RARB: variants seen among roughly 807,000 people sequenced by gnomAD.
RARB encodes retinoic acid receptor beta.
A neutral mutation model predicts 51.9 loss-of-function variants in RARB; 17 were observed. The observed-to-expected ratio is 0.33, with a 90% CI of 0.22 to 0.49. RARB has a LOEUF of 0.49. Among genes scored for constraint, RARB ranks in the 20% least tolerant of loss-of-function variants. RARB has a pLI of 0.99. For synonymous variants in RARB, 215 were observed against 195.4 expected (o/e 1.10, Z -0.84); for missense variants, 369 against 550.8 (o/e 0.67, Z 3.30).
chr3:25,451,099 G>GA (rs974049765), intron 1 of RARB, among the ~76,000 whole-genome samples: 5 of 151,252 alleles, frequency 3.3e-5, no homozygotes, highest in South Asian at 2.1e-4. Flanking sequence ...CTCCATCTCA[G>GA]AAAAAAAACA....
intron 4 of RARB, among the ~76,000 whole-genome samples, chr3:25,159,528 A>G (rs1700441567): frequency 6.6e-6 from 1 of 152,008 alleles, no homozygotes; most frequent in African/African-American, 2.4e-5. Context: ...TGAGCCACAT[A>G]CTATGACTGT....
intron 2 of RARB, among the ~76,000 whole-genome samples, chr3:24,884,344 C>T (rs2125359055): frequency 6.6e-6 from 1 of 152,066 alleles, no homozygotes; most frequent in East Asian, 1.9e-4. Context: ...CATTAGAGAA[C>T]CTACTTATTG....
chr3:25,227,932 T>G (rs1415431866), intron 5 of RARB, among the ~76,000 whole-genome samples: 1 of 152,134 alleles, frequency 6.6e-6, no homozygotes, highest in Admixed American at 6.6e-5. Context: ...ATATTAGTTT[T>G]GTTTTTCTTT....
chr3:25,058,382 A>G (rs1249497372), intron 2 of RARB, among the ~76,000 whole-genome samples: 2 of 151,828 alleles, frequency 1.3e-5, no homozygotes, highest in African/African-American at 4.8e-5. Flanking sequence ...GGTTAAAGGA[A>G]CTGACCAATC....
At chr3:24,962,980 C>T (rs1239529099) in intron 2 of RARB, among the ~76,000 whole-genome samples, 1 of 152,094 alleles carries the variant, frequency 6.6e-6, no homozygotes, top group African/African-American at 2.4e-5. Flanking sequence ...TAATTTAATC[C>T]CTTCAGCCTG....
At chr3:25,175,642 C>T (rs761424730) in intron 5 of RARB, among the ~76,000 whole-genome samples, 4 of 152,162 alleles carry the variant, frequency 2.6e-5, no homozygotes, top group Admixed American at 6.5e-5. Flanking sequence ...TTTGGATGGA[C>T]GAACAGACTG....
At chr3:25,411,556 G>T (rs535813130) in intron 5 of RARB, among the ~76,000 whole-genome samples, 1 of 152,200 alleles carries the variant, frequency 6.6e-6, no homozygotes, top group Non-Finnish European at 1.5e-5. Context: ...GTTCCTCACT[G>T]CACAGAACAG....
chr3:25,175,946 A>G (rs1380683648), intron 5 of RARB, among the ~76,000 whole-genome samples: 3 of 152,214 alleles, frequency 2.0e-5, no homozygotes, highest in African/African-American at 7.2e-5. Context: ...GTGCTGTTTC[A>G]AATCATGTTC....
At chr3:25,224,069 G>A (rs946760736) in intron 5 of RARB, among the ~76,000 whole-genome samples, 2 of 152,182 alleles carry the variant, frequency 1.3e-5, no homozygotes, top group African/African-American at 2.4e-5. Context: ...AACACTTGAA[G>A]ATGATTTAGT....
At chr3:25,107,501 C>G (rs1490108273) in intron 3 of RARB, among the ~76,000 whole-genome samples, 1 of 152,032 alleles carries the variant, frequency 6.6e-6, no homozygotes, top group African/African-American at 2.4e-5. Flanking sequence ...AAAATTCATG[C>G]ATATATTAAA....
intron 5 of RARB, among the ~76,000 whole-genome samples, chr3:25,351,192 A>G (rs952469927): frequency 3.9e-5 from 6 of 152,198 alleles, no homozygotes; most frequent in African/African-American, 1.4e-4. Flanking sequence ...GTAGTTTTTC[A>G]TTATATTCTG....
intron 3 of RARB, among the ~76,000 whole-genome samples, chr3:25,110,352 A>G (rs1334957942): frequency 6.6e-6 from 1 of 152,186 alleles, no homozygotes; most frequent in Non-Finnish European, 1.5e-5. Flanking sequence ...TTAAGCCTTG[A>G]TTTTGTCTCC....
chr3:25,398,739 C>T (rs1347660379), intron 5 of RARB, among the ~76,000 whole-genome samples: 1 of 152,074 alleles, frequency 6.6e-6, no homozygotes, highest in Non-Finnish European at 1.5e-5. Context: ...GTACATTCTA[C>T]CATATTCCAT....
chr3:25,488,597 A>G (rs1028810394), intron 2 of RARB, among the ~76,000 whole-genome samples: 2 of 152,326 alleles, frequency 1.3e-5, no homozygotes, highest in Admixed American at 1.3e-4. Context: ...GGAGTGGGTT[A>G]TAGCATCAGG....
chr3:25,118,923 G>A (rs575516241), intron 3 of RARB, among the ~76,000 whole-genome samples: 2 of 152,134 alleles, frequency 1.3e-5, no homozygotes, highest in African/African-American at 4.8e-5. Flanking sequence ...TGCCCACTTT[G>A]ATCATAAAAA....
intron 2 of RARB, among the ~76,000 whole-genome samples, chr3:25,463,121 C>T (rs1695265352): frequency 6.6e-6 from 1 of 152,194 alleles, no homozygotes; most frequent in Non-Finnish European, 1.5e-5. Context: ...GATCCTCCCA[C>T]CTTGGCCTCC....
At chr3:24,857,563 C>T (rs1396947762) in intron 1 of RARB, among the ~76,000 whole-genome samples, 5 of 152,154 alleles carry the variant, frequency 3.3e-5, no homozygotes, top group Non-Finnish European at 7.4e-5. Flanking sequence ...TCAAATTCAA[C>T]TCAGCATCCC....
intron 5 of RARB, among the ~76,000 whole-genome samples, chr3:25,260,724 T>C (rs973677945): frequency 3.9e-5 from 6 of 152,132 alleles, no homozygotes; most frequent in African/African-American, 1.4e-4. Context: ...TTAACTTTGC[T>C]AATCTCAATA....
At chr3:25,462,939 G>A (rs961919151) in intron 2 of RARB, among the ~76,000 whole-genome samples, 4 of 152,162 alleles carry the variant, frequency 2.6e-5, no homozygotes, top group Non-Finnish European at 5.9e-5. Flanking sequence ...CACACTATTG[G>A]CCAAAGCAAG....
Sources: gnomAD v4.1 joint callset for allele counts (sites outside exome capture counted in the v4.1 genomes callset) on GRCh38, gnomAD v4.1.1 for gene constraint, MANE v1.5 for transcripts, NCBI Gene and HGNC (gene_info 2026-07-23, HGNC 2026-07-21) for gene names.